The following RHOU variants were observed in gnomAD, a reference collection of about 807,000 sequenced individuals.
RHOU encodes rho-related GTP-binding protein RhoU.
A neutral mutation model predicts 12.6 loss-of-function variants in RHOU; 8 were observed. The observed-to-expected ratio is 0.64, with a 90% confidence interval of 0.37 to 1.15. RHOU has a LOEUF of 1.15. Among genes scored for constraint, RHOU ranks in the 50% most tolerant of loss-of-function variants. The pLI is 0.01. For synonymous variants in RHOU, 161 were observed against 147.4 expected (o/e 1.09, Z -0.67); for missense variants, 258 against 347.0 (o/e 0.74, Z 2.04).
chr1:228,707,237 A>ATG, the RHOU span, among the ~76,000 whole-genome samples: 2 of 36,478 alleles, frequency 5.5e-5, no homozygotes, highest in African/African-American at 7.3e-5. Context: ...ATACATATGT[A>ATG]TATATATATA....
the RHOU span, among the ~76,000 whole-genome samples, chr1:228,705,869 C>T: frequency 2.0e-5 from 3 of 152,082 alleles, no homozygotes; most frequent in Non-Finnish European, 4.4e-5. Flanking sequence ...CATGGTGAAA[C>T]CCCGTCTCTA....
the RHOU span, among the ~76,000 whole-genome samples, chr1:228,659,877 G>A: frequency 2.0e-5 from 3 of 149,718 alleles, no homozygotes; most frequent in African/African-American, 4.9e-5. Context: ...CCAGCTACTC[G>A]GGAGGCTCAG....
the RHOU span, among the ~76,000 whole-genome samples, chr1:228,709,465 G>C: frequency 2.6e-5 from 4 of 150,984 alleles, no homozygotes; most frequent in African/African-American, 9.7e-5. Flanking sequence ...CTATCTCTCA[G>C]ACCACAGTGC....
chr1:228,684,182 G>A, the RHOU span, among the ~76,000 whole-genome samples: 1 of 152,032 alleles, frequency 6.6e-6, no homozygotes, highest in East Asian at 1.9e-4. Flanking sequence ...GATTACAGGT[G>A]TGTGCCACCA....
At chr1:228,660,483 A>G in the RHOU span, among the ~76,000 whole-genome samples, 47 of 152,112 alleles carry the variant, frequency 3.1e-4, no homozygotes, top group African/African-American at 1.1e-3. Context: ...TGAGGCTACA[A>G]TTGCCCTGAT....
the RHOU span, among the ~76,000 whole-genome samples, chr1:228,712,068 A>G: frequency 7.2e-6 from 1 of 139,506 alleles, no homozygotes; most frequent in Middle Eastern, 3.5e-3. Context: ...AATGCTCACC[A>G]TCACTGGCCA....
At chr1:228,688,006 C>A in the RHOU span, among the ~76,000 whole-genome samples, 1 of 130,628 alleles carries the variant, frequency 7.7e-6, no homozygotes, top group Non-Finnish European at 1.6e-5. Flanking sequence ...TTTCTTCCTT[C>A]CTTTCATTTG....
chr1:228,682,029 T>C, the RHOU span, among the ~76,000 whole-genome samples: 4 of 152,142 alleles, frequency 2.6e-5, no homozygotes, highest in African/African-American at 9.7e-5. Flanking sequence ...CACCCTGCAA[T>C]GATTAAACAC....
chr1:228,718,805 C>T, the RHOU span, among the ~76,000 whole-genome samples: 17 of 152,080 alleles, frequency 1.1e-4, no homozygotes, highest in Non-Finnish European at 2.5e-4. Flanking sequence ...TAAACACTTC[C>T]GCCAGAACAT....
the RHOU span, among the ~76,000 whole-genome samples, chr1:228,727,302 TTCTC>T: frequency 5.9e-5 from 9 of 151,878 alleles, no homozygotes; most frequent in South Asian, 2.1e-4. Context: ...CACTCATTTC[TTCTC>T]TCTCTCTCTC....
the RHOU span, among the ~76,000 whole-genome samples, chr1:228,690,660 C>T: frequency 5.5e-3 from 829 of 151,584 alleles, 8 homozygotes; most frequent in African/African-American, 0.019. Context: ...CTCTTTTGCC[C>T]AGGCTGGAGT....
chr1:228,711,431 A>G, the RHOU span, among the ~76,000 whole-genome samples: 1 of 152,200 alleles, frequency 6.6e-6, no homozygotes, highest in African/African-American at 2.4e-5. Context: ...ACAATAACCA[A>G]AAAAGCATGG....
At position 228,743,211 on chromosome 1, in the gene RHOU, A is replaced by C; in HGVS notation, c.322-74A>C. Reference sequence around the variant, plus strand: ...TATCACCTGCCAGACCCTTTCATGAAAAATGTGAAGGTGATCTTTTTACTG... The same window carrying C: ...TATCACCTGCCAGACCCTTTCATGACAAATGTGAAGGTGATCTTTTTACTG... On this transcript the variant is annotated intron_variant, in intron 2 of 2. Transcript: ENST00000366691. The surrounding 1 kb of genome is among the most constrained non-coding windows in gnomAD (Gnocchi z 5.1). 1 of 1,369,190 alleles carries C rather than the reference A, an allele frequency of 7.3e-7. No homozygotes were observed. The highest frequency in any genetic ancestry group is 1.0e-6 in the Non-Finnish European group (1 of 972,308). 84.8% of individuals were successfully genotyped at this position (1,369,190 alleles called of 1,614,324 possible).
chr1:228,701,070 C>T, the RHOU span, among the ~76,000 whole-genome samples: 1 of 152,126 alleles, frequency 6.6e-6, no homozygotes, highest in South Asian at 2.1e-4. Flanking sequence ...GCCTGGGCAA[C>T]AGAGTGAGAG....
chr1:228,737,867 C>A lies in RHOU; in HGVS notation c.321+136C>A. The A allele has an allele frequency of 1.1e-6, 1 of 913,274 alleles. No homozygotes were observed. The highest frequency in any genetic ancestry group is 1.7e-6 in the Non-Finnish European group (1 of 586,024). The allele number at this position is 913,274 out of a possible 1,614,324, so 56.6% of individuals were successfully genotyped here. ...AGTGGACCCACCCCTGCTGTTGGCC[C>A]TTCTCTGAGGGTGGGCAGGGGCCAG... is the stretch of plus-strand genomic sequence containing the variant. On this transcript the variant is annotated intron_variant, in intron 2 of 2. Transcript: ENST00000366691. This position sits in a 1 kb window ranked among gnomAD's most constrained non-coding sequence, Gnocchi z 4.1.
chr1:228,651,442 A>G, the RHOU span: 1 of 153,290 alleles, frequency 6.5e-6, no homozygotes, highest in African/African-American at 2.4e-5. Context: ...TTAAGAATGG[A>G]CATTTCACAT....
the RHOU span, among the ~76,000 whole-genome samples, chr1:228,681,805 G>A: frequency 1.3e-5 from 2 of 152,102 alleles, no homozygotes; most frequent in East Asian, 1.9e-4. Flanking sequence ...GAGGGTGGAA[G>A]GTTGCCCATA....
the RHOU span, among the ~76,000 whole-genome samples, chr1:228,728,709 C>T: frequency 6.6e-6 from 1 of 152,110 alleles, no homozygotes; most frequent in South Asian, 2.1e-4. Flanking sequence ...GCATGATTCA[C>T]AAAAGTGAAT....
the RHOU span, among the ~76,000 whole-genome samples, chr1:228,723,673 A>G: frequency 9.9e-5 from 15 of 152,232 alleles, no homozygotes; most frequent in Non-Finnish European, 1.6e-4. Flanking sequence ...TTTACAAAAA[A>G]GGTCTTTGGA....
Sources: allele counts gnomAD v4.1 joint callset (sites outside exome capture counted in the v4.1 genomes callset), GRCh38; gene constraint gnomAD v4.1.1; non-coding constraint Gnocchi (gnomAD v3.1); transcripts MANE v1.5; gene names NCBI Gene and HGNC (gene_info 2026-07-23, HGNC 2026-07-21).